CUBN: variants seen among roughly 807,000 people sequenced by gnomAD.
CUBN encodes the protein 460 kDa receptor.
In CUBN, 282 loss-of-function variants were observed where a neutral mutation model predicts 405.3. The observed-to-expected ratio is 0.70, with a 90% CI of 0.63 to 0.77. The LOEUF (loss-of-function observed/expected upper bound fraction) is 0.77, where lower values mean the gene tolerates loss of function less well. CUBN is among the 30% of genes least tolerant of loss of function. CUBN has a pLI of 0.00. For missense variants in CUBN, 4,514 were observed against 4,475.2 expected (o/e 1.01, Z -0.25); for synonymous variants, 1,684 against 1,617.0 (o/e 1.04, Z -0.99).
At chr10:16,902,174 A>G (rs923115121) in intron 51 of CUBN, among the ~76,000 whole-genome samples, 2 of 136,368 alleles carry the variant, frequency 1.5e-5, no homozygotes, top group Admixed American at 8.0e-5. Context: ...TACTATATAT[A>G]GTATATATAT....
chr10:16,907,712 C>T, intron 48 of CUBN, 33 bp from the exon 49 acceptor site: 1 of 1,607,046 alleles, frequency 6.2e-7, no homozygotes, highest in Non-Finnish European at 8.5e-7. Context: ...TTCAGGCACA[C>T]AATCCATCTT....
chr10:16,890,773 T>A (rs1840982037), intron 54 of CUBN, among the ~76,000 whole-genome samples: 1 of 152,132 alleles, frequency 6.6e-6, no homozygotes, highest in Admixed American at 6.5e-5. Context: ...GGGTGGTGAT[T>A]TTTTAAAAAT....
At chr10:17,005,501 C>T (rs2131747523) in intron 28 of CUBN, among the ~76,000 whole-genome samples, 1 of 152,284 alleles carries the variant, frequency 6.6e-6, no homozygotes, top group Non-Finnish European at 1.5e-5. Context: ...TTGCTCTTTG[C>T]AAAACTTTTG....
chr10:17,113,963 A>C, intron 8 of CUBN, 64 bp downstream of exon 8: 2 of 1,525,498 alleles, frequency 1.3e-6, no homozygotes, highest in Non-Finnish European at 1.8e-6. Context: ...TAGTGAAAGA[A>C]AATTGGTTCT....
At chr10:16,926,784 C>T (rs1215821587) in intron 41 of CUBN, among the ~76,000 whole-genome samples, 1 of 150,502 alleles carries the variant, frequency 6.6e-6, no homozygotes, top group African/African-American at 2.5e-5. Context: ...ATAAAGTGTT[C>T]AACTTTCAAA....
Position 16,952,505 on chromosome 10 carries a change from C to T in CUBN, c.4856-116G>A, listed in dbSNP as rs1842948873. ...GATTTTTCTTCTTATTTCTAAAATGCACGCCAAGAAAGTTCTCCATAAGGA... is the reference window on the plus strand; with the variant it reads ...GATTTTTCTTCTTATTTCTAAAATGTACGCCAAGAAAGTTCTCCATAAGGA... On this transcript the variant is annotated intron_variant, in intron 32 of 66. Transcript: ENST00000377833. 26 of 736,052 alleles carry T rather than the reference C, an allele frequency of 3.5e-5. 1 individual carries two copies. The South Asian group carries it at 3.8e-4, about 11-fold the overall frequency. 45.6% of individuals were successfully genotyped at this position (736,052 alleles called of 1,614,324 possible). A position where few individuals can be genotyped will look rare whatever the true frequency, so the allele number is the denominator to read the frequency against.
At chr10:16,877,960 C>G (rs946972597) in intron 56 of CUBN, among the ~76,000 whole-genome samples, 1 of 152,210 alleles carries the variant, frequency 6.6e-6, no homozygotes, top group African/African-American at 2.4e-5. Flanking sequence ...TTACATCCAT[C>G]ATGCATTTGT....
At position 16,948,596 on chromosome 10, in the gene CUBN, A is replaced by C; in HGVS notation, c.5091T>G (p.Cys1697Trp). 6.2e-7 allele frequency: 1 copy of C among 1,613,920 alleles called. No homozygotes were observed. Among genetic ancestry groups the C allele is most frequent in the Non-Finnish European group, 8.5e-7 (1 of 1,179,900 alleles). The change falls in exon 35 of 67, where the codon TGT (cysteine) becomes TGG (tryptophan). Residue 1697 changes from cysteine (C) to tryptophan (W), a missense_variant. Coordinates refer to ENST00000377833, the MANE Select transcript of CUBN (RefSeq NM_001081.4). ...TGATAGGATGGGGCATGTCGGTGCC[A>C]CAGTAACGGCCTAAATAATGAAGAT... ...HEDAPLRGRY[C>W]GTDMPHPITS...
intron 27 of CUBN, among the ~76,000 whole-genome samples, chr10:17,028,748 A>T (rs1304425888): frequency 6.6e-6 from 1 of 151,690 alleles, no homozygotes; most frequent in Non-Finnish European, 1.5e-5. Context: ...AAGAAAGAAA[A>T]AATAATAAAT....
chr10:16,952,571 T>C (rs1163914544), intron 32 of CUBN, among the ~76,000 whole-genome samples, 182 bp from the exon 33 acceptor site: 1 of 152,228 alleles, frequency 6.6e-6, no homozygotes, highest in Non-Finnish European at 1.5e-5. Context: ...GCACAGTTTA[T>C]ATTTTTAACA....
intron 28 of CUBN, among the ~76,000 whole-genome samples, chr10:16,991,274 A>T (rs577471818): frequency 6.6e-6 from 1 of 152,312 alleles, no homozygotes; most frequent in African/African-American, 2.4e-5. Context: ...CTGTTTCCGT[A>T]CTCATAAGGA....
intron 25 of CUBN, among the ~76,000 whole-genome samples, chr10:17,044,235 A>G (rs1003841454): frequency 6.9e-6 from 1 of 145,624 alleles, no homozygotes; most frequent in African/African-American, 2.5e-5. Flanking sequence ...CATTAAATAC[A>G]TATATTTATA....
Position 17,047,440 on chromosome 10 carries a change from G to A in CUBN, c.3303C>T (p.Asn1101=), listed in dbSNP as rs766461770. The A allele has an allele frequency of 1.2e-6, 2 of 1,613,646 alleles. No individual in the cohort carries two copies. Among genetic ancestry groups the A allele is most frequent in the African/African-American group, 1.3e-5 (1 of 74,894 alleles). The change falls in exon 23 of 67, where the codon AAC becomes AAT. Residue 1101 remains asparagine (N), a synonymous_variant. Transcript: ENST00000377833. ...TNFSLEEAIG[N]YYTDFLEIRD... ...TGATTTCCAGAAAATCTGTATAATA[G>A]TTTCCAATGGCTTCCTCCAAGGAGA...
In CUBN at chr10:17,043,668, G is replaced by A. The variant is rs985628475; in HGVS notation, c.3829+159C>T. On this transcript the variant is annotated intron_variant, in intron 26 of 66. Coordinates refer to ENST00000377833, the MANE Select transcript of CUBN (RefSeq NM_001081.4). ...GAAGTTCAATTGCTCACACCAATGC[G>A]TTACACTTATTTCAGTTTGTTTCAA... Among the ~76,000 whole-genome samples the A allele has an allele frequency of 3.9e-5, 6 of 152,122 alleles. 1 individual carries two copies. The highest frequency in any genetic ancestry group is 1.9e-4 in the East Asian group (1 of 5,196).
chr10:17,000,654 G>A (rs1483666964), intron 28 of CUBN, among the ~76,000 whole-genome samples: 2 of 152,134 alleles, frequency 1.3e-5, no homozygotes, highest in Non-Finnish European at 2.9e-5. Flanking sequence ...GAAAAGCTGT[G>A]GGGAAAAAAT....
Position 16,920,123 on chromosome 10 carries a change from C to T in CUBN, c.6661G>A (p.Val2221Ile), listed in dbSNP as rs143291127. 2.6e-4 allele frequency: 418 copies of T among 1,613,916 alleles called. No homozygotes were observed. Among genetic ancestry groups the T allele is most frequent in the Middle Eastern group, 2.0e-3 (12 of 6,062 alleles). Reference protein sequence around the residue: ...EAKSLACGGNVYIHDADSAGY... With the variant: ...EAKSLACGGNIYIHDADSAGY... The stretch of plus-strand genomic sequence containing the variant: ...GCAGAATCAGCATCATGGATGTAGA[C>T]GTTGCCCCCACAGGCTGTGAGCAAA... The change falls in exon 44 of 67, where the codon GTC becomes ATC. Residue 2221 changes from valine to isoleucine, a missense_variant. Transcript: ENST00000377833.
rs375197788 is a variant in CUBN at position 16,892,083 on chromosome 10, A to G, written c.8599-1556T>C. Among the ~76,000 whole-genome samples the G allele has an allele frequency of 2.0e-5, 3 of 152,198 alleles. No individual in the cohort carries two copies. The East Asian group carries it at 5.8e-4, about 29-fold the overall frequency. On this transcript the variant is annotated intron_variant, in intron 54 of 66. Coordinates refer to ENST00000377833, the MANE Select transcript of CUBN (RefSeq NM_001081.4). ...AATAAAACATCAAGTCATTAAAAAC[A>G]TTTCTATTGGGAAATCAGTCCATAG...
intron 28 of CUBN, among the ~76,000 whole-genome samples, chr10:17,017,476 T>G (rs1247179843): frequency 1.3e-5 from 2 of 152,166 alleles, no homozygotes; most frequent in Non-Finnish European, 2.9e-5. Context: ...ATAAAGGTGT[T>G]ATGCCCCAAA....
intron 20 of CUBN, 115 bp from the exon 21 acceptor site, chr10:17,068,395 T>C: frequency 5.2e-6 from 6 of 1,151,878 alleles, no homozygotes; most frequent in Non-Finnish European, 6.3e-6. Context: ...GTTTCTTAGT[T>C]GCCACTTAAG....
Sources: allele counts gnomAD v4.1 joint callset (sites outside exome capture counted in the v4.1 genomes callset), GRCh38; gene constraint gnomAD v4.1.1; transcripts MANE v1.5; gene names NCBI Gene and HGNC (gene_info 2026-07-23, HGNC 2026-07-21).